The following FMN1 variants were observed in gnomAD, a reference collection of about 807,000 sequenced individuals.
The protein encoded by FMN1 is formin-1.
In FMN1, 110 loss-of-function variants were observed where a neutral mutation model predicts 132.4. The observed-to-expected ratio is 0.83, with a 90% CI of 0.71 to 0.97. The LOEUF is 0.97. Among genes scored for constraint, FMN1 ranks in the 50% least tolerant of loss-of-function variants. The probability of loss-of-function intolerance (pLI) is 0.00; values close to 1 mark genes in which losing one functional copy is unlikely to be tolerated. For missense variants in FMN1, 1,792 were observed against 1,705.3 expected (o/e 1.05, Z -0.90); for synonymous variants, 722 against 651.7 (o/e 1.11, Z -1.64).
At chr15:33,061,791 C>T (rs1353210868) in intron 6 of FMN1, among the ~76,000 whole-genome samples, 2 of 151,996 alleles carry the variant, frequency 1.3e-5, no homozygotes, top group South Asian at 2.1e-4. Context: ...TTCCAAAAGT[C>T]TGGTATGGAA....
intron 9 of FMN1, among the ~76,000 whole-genome samples, chr15:32,942,992 A>T (rs1479629614): frequency 6.6e-6 from 1 of 152,194 alleles, no homozygotes; most frequent in African/African-American, 2.4e-5. Flanking sequence ...GAGCATCCCA[A>T]ATTCAAAACT....
chr15:33,098,268 GGGCTGAT>G (rs952640177), intron 4 of FMN1, among the ~76,000 whole-genome samples: 3 of 152,152 alleles, frequency 2.0e-5, no homozygotes, highest in African/African-American at 7.2e-5. Flanking sequence ...TCCCCCAATA[GGGCTGAT>G]GGCATTTCTC....
chr15:32,957,641 T>C (rs999627098), intron 9 of FMN1, among the ~76,000 whole-genome samples: 3 of 152,164 alleles, frequency 2.0e-5, no homozygotes, highest in East Asian at 1.9e-4. Flanking sequence ...CTTAAAAACC[T>C]TGGGAATCAA....
intron 16 of FMN1, among the ~76,000 whole-genome samples, chr15:32,884,000 G>T (rs1321157042): frequency 1.3e-5 from 2 of 152,036 alleles, no homozygotes; most frequent in Non-Finnish European, 2.9e-5. Context: ...ACTATTTGAC[G>T]AATCCTACAT....
chr15:33,101,972 A>G (rs1024646263), intron 4 of FMN1, among the ~76,000 whole-genome samples: 3 of 152,270 alleles, frequency 2.0e-5, no homozygotes, highest in Middle Eastern at 3.4e-3. Context: ...GTATACCAGT[A>G]TCTGAAAGAC....
chr15:33,077,664 C>A (rs150280106), intron 5 of FMN1, among the ~76,000 whole-genome samples: 370 of 151,750 alleles, frequency 2.4e-3, no homozygotes, highest in Non-Finnish European at 2.9e-3. Flanking sequence ...TGGTTTCCAG[C>A]TTCATCCATG....
chr15:32,948,631 A>G (rs1453511682), intron 9 of FMN1, among the ~76,000 whole-genome samples: 1 of 152,016 alleles, frequency 6.6e-6, no homozygotes, highest in African/African-American at 2.4e-5. Context: ...AAATTATTTC[A>G]TATTATTTTC....
At chr15:32,782,816 C>T (rs548903876) in intron 19 of FMN1, among the ~76,000 whole-genome samples, 1 of 152,226 alleles carries the variant, frequency 6.6e-6, no homozygotes, top group South Asian at 2.1e-4. Flanking sequence ...AAATACTATG[C>T]AGTCATAAAA....
chr15:33,066,627 C>A (rs768198137), intron 5 of FMN1: 2 of 1,613,768 alleles, frequency 1.2e-6, no homozygotes, highest in Non-Finnish European at 1.7e-6. Flanking sequence ...TCAGAGGTGT[C>A]AGCTGTGGTC....
intron 10 of FMN1, among the ~76,000 whole-genome samples, chr15:32,924,154 T>G (rs1433401779): frequency 6.6e-6 from 1 of 152,196 alleles, no homozygotes; most frequent in Non-Finnish European, 1.5e-5. Context: ...TAACTTGAGA[T>G]TCTTCTAAAG....
intron 6 of FMN1, among the ~76,000 whole-genome samples, chr15:33,061,907 G>A (rs180809242): frequency 6.6e-6 from 1 of 152,172 alleles, no homozygotes; most frequent in Admixed American, 6.5e-5. Context: ...GAGAAAAAAA[G>A]TAGAAAGAAA....
intron 3 of FMN1, among the ~76,000 whole-genome samples, chr15:33,179,361 G>C (rs1323166655): frequency 6.6e-6 from 1 of 152,068 alleles, no homozygotes. Flanking sequence ...AAAATGAAAG[G>C]TATGATTTCA....
chr15:32,830,957 C>T (rs1289462983), intron 17 of FMN1, among the ~76,000 whole-genome samples: 1 of 152,066 alleles, frequency 6.6e-6, no homozygotes, highest in Non-Finnish European at 1.5e-5. Context: ...CCTCCAAACA[C>T]CCCCCACCAC....
intron 4 of FMN1, among the ~76,000 whole-genome samples, chr15:33,112,195 A>G (rs1005547707): frequency 2.6e-5 from 4 of 152,174 alleles, no homozygotes; most frequent in Non-Finnish European, 2.9e-5. Context: ...AGTCATCTAC[A>G]TGATAAAATG....
At chr15:32,994,519 G>A (rs1232725377) in intron 7 of FMN1, among the ~76,000 whole-genome samples, 1 of 152,122 alleles carries the variant, frequency 6.6e-6, no homozygotes, top group Admixed American at 6.5e-5. Context: ...CATCAGAGCA[G>A]CTCCACAGCA....
At chr15:32,860,367 T>C (rs2059241699) in intron 16 of FMN1, among the ~76,000 whole-genome samples, 1 of 152,242 alleles carries the variant, frequency 6.6e-6, no homozygotes, top group African/African-American at 2.4e-5. Flanking sequence ...AAATTAGCAA[T>C]GTTGGCTTGG....
intron 6 of FMN1, among the ~76,000 whole-genome samples, chr15:33,048,553 C>T (rs2141160602): frequency 6.8e-6 from 1 of 147,344 alleles, no homozygotes; most frequent in South Asian, 2.1e-4. Flanking sequence ...AAAAGTTTTA[C>T]ATGCAAGGTG....
intron 17 of FMN1, chr15:32,837,156 G>T: frequency 4.4e-6 from 1 of 227,110 alleles, no homozygotes; most frequent in South Asian, 8.2e-5. Context: ...CACTCAGGTT[G>T]ATGTGGTCCA....
In FMN1 at chr15:33,040,981, T is replaced by C. The variant is rs1422244110; in HGVS notation, c.2161+23976A>G. ...TTCCTTTAGTTCGCCTTATCTTGAATTCAAAAGGTTGATTATTTTGGGCTA... is the reference window on the plus strand; with the variant it reads ...TTCCTTTAGTTCGCCTTATCTTGAACTCAAAAGGTTGATTATTTTGGGCTA... On this transcript the variant is annotated intron_variant, in intron 6 of 20. Transcript: ENST00000616417. Among the ~76,000 whole-genome samples the C allele has an allele frequency of 3.3e-5, 5 of 152,306 alleles. No individual in the cohort carries two copies. In the East Asian group the frequency reaches 5.8e-4, roughly 18 times the overall value.
Sources: allele counts gnomAD v4.1 joint callset (sites outside exome capture counted in the v4.1 genomes callset), GRCh38; gene constraint gnomAD v4.1.1; transcripts MANE v1.5; gene names NCBI Gene and HGNC (gene_info 2026-07-23, HGNC 2026-07-21).